CKLF: variants seen among roughly 807,000 people sequenced by gnomAD.
CKLF encodes the protein chemokine-like factor.
In CKLF, 16 loss-of-function variants were observed where a neutral mutation model predicts 12.9. That is an observed-to-expected ratio of 1.24 (90% CI 0.84 to 1.88). CKLF has a LOEUF of 1.88. Ranked by LOEUF, CKLF falls within the 40% of genes most tolerant of loss-of-function variation. The pLI is 0.00. For missense variants in CKLF, 172 were observed against 188.5 expected, an observed-to-expected ratio of 0.91 and a Z score of 0.51; for synonymous variants, 61 against 69.0, an observed-to-expected ratio of 0.88 and a Z score of 0.57.
chr16:66,552,599 A>C lies in CKLF; in HGVS notation c.-117A>C. The C allele has an allele frequency of 6.6e-7, 1 of 1,511,762 alleles. No homozygotes were observed. The highest frequency in any genetic ancestry group is 1.2e-5 in the South Asian group (1 of 85,210). The allele number at this position is 1,511,762 out of a possible 1,614,324, so 93.6% of individuals were successfully genotyped here. Reference sequence around the variant, plus strand: ...AGAGCGGGAAGCCGAGCTGGGCGAGAAGTAGGGGAGGGCGGTGCTCCGCCG... The same window carrying C: ...AGAGCGGGAAGCCGAGCTGGGCGAGCAGTAGGGGAGGGCGGTGCTCCGCCG... On this transcript the variant is annotated 5_prime_UTR_variant, in exon 1 of 4. Transcript: ENST00000264001.
intron 2 of CKLF, among the ~76,000 whole-genome samples, chr16:66,560,856 C>G (rs2011668059): frequency 6.6e-6 from 1 of 151,994 alleles, no homozygotes; most frequent in South Asian, 2.1e-4. Flanking sequence ...CTCTCTCTGC[C>G]CCCTGGTGAC....
At chr16:66,563,034 T>C (rs767761385) in intron 2 of CKLF, 88 bp from the exon 3 acceptor site, 1 of 1,496,588 alleles carries the variant, frequency 6.7e-7, no homozygotes. Flanking sequence ...TTGTTTTTTG[T>C]TGTTGTTGTT....
chr16:66,558,260 G>A lies in CKLF; in HGVS notation c.149G>A (p.Gly50Glu). 6.2e-7 allele frequency: 1 copy of A among 1,613,844 alleles called. No individual in the cohort carries two copies. Among genetic ancestry groups the A allele is most frequent in the African/African-American group, 1.3e-5 (1 of 74,980 alleles). Residue 50 changes from glycine to glutamate, a missense_variant, in exon 2 of 4, where the codon GGA becomes GAA. Physicochemically the swap from Gly to Glu is moderately conservative, Grantham distance 98 (BLOSUM62 -2). Coordinates refer to ENST00000264001, the MANE Select transcript of CKLF (RefSeq NM_016951.4). ...CCTGAACCATATATTGTTATCACTG[G>A]ATTTGAAGTCACCGTTATCTTATTT... ...QAPEPYIVIT[G>E]FEVTVILFFI...
At chr16:66,553,559 A>G (rs1363423408) in intron 1 of CKLF, 1 of 152,264 alleles carries the variant, frequency 6.6e-6, no homozygotes, top group Non-Finnish European at 1.5e-5. Context: ...GAAGGAATCT[A>G]TTCTAGAAAC....
intron 1 of CKLF, among the ~76,000 whole-genome samples, chr16:66,557,271 G>A (rs930188692): frequency 2.0e-5 from 3 of 152,102 alleles, no homozygotes; most frequent in Non-Finnish European, 2.9e-5. Context: ...GGGTTCAAGC[G>A]ATTCTCCTGC....
chr16:66,558,976 G>A (rs7199632), intron 2 of CKLF, among the ~76,000 whole-genome samples: 17,732 of 152,198 alleles, frequency 0.12, 1,234 homozygotes, highest in African/African-American at 0.19. Flanking sequence ...GAAGTTATTC[G>A]TTAAGATGTA....
Position 66,558,300 on chromosome 16 carries a change from T to G in CKLF, c.189T>G (p.Tyr63Ter), listed in dbSNP as rs752670451. The G allele has an allele frequency of 1.9e-6, 3 of 1,613,704 alleles. No individual in the cohort carries two copies. The highest frequency in any genetic ancestry group is 8.5e-7 in the Non-Finnish European group (1 of 1,179,960). The change falls in exon 2 of 4, where the codon TAT (tyrosine) becomes TAG (stop). Residue 63 changes from tyrosine to a stop codon, truncating the protein, a stop_gained. Coordinates refer to ENST00000264001, the MANE Select transcript of CKLF (RefSeq NM_016951.4). LOFTEE classifies it high-confidence loss of function. ...TTATCTTATTTTTCATACTTTTATA[T>G]GTACTCAGACTTGATCGATTAATGA... ...VTVILFFILLYVLRLDRLMKW... is the reference protein window; with the variant it reads ...VTVILFFILL
At position 66,558,479 on chromosome 16, in the gene CKLF, C is replaced by G. The variant is rs1461183804; in HGVS notation, c.237+131C>G. 6 of 1,317,746 alleles carry G rather than the reference C, an allele frequency of 4.6e-6. No individual in the cohort carries two copies. The East Asian group carries it at 1.4e-4, about 31-fold the overall frequency. 81.6% of individuals were successfully genotyped at this position (1,317,746 alleles called of 1,614,324 possible). On this transcript the variant is annotated intron_variant, in intron 2 of 3. Coordinates refer to ENST00000264001, the MANE Select transcript of CKLF (RefSeq NM_016951.4). ...TAGGCTTAGGAAGGAGGAGCTCTAC[C>G]CATTGCTAATGTGCCCTGTATTGCT...
rs749399767 is a variant in CKLF at position 66,552,671 on chromosome 16, T to C, written c.-45T>C. The C allele has an allele frequency of 6.2e-7, 1 of 1,612,586 alleles. No individual in the cohort carries two copies. Among genetic ancestry groups the C allele is most frequent in the Non-Finnish European group, 8.5e-7 (1 of 1,178,784 alleles). Reference sequence around the variant, plus strand: ...CGCAGAACCTACTCAGGCAGCCAGCTGAGAAGAGTTGAGGGAAAGTGCTGC... The same window carrying C: ...CGCAGAACCTACTCAGGCAGCCAGCCGAGAAGAGTTGAGGGAAAGTGCTGC... On this transcript the variant is annotated 5_prime_UTR_variant, in exon 1 of 4. Coordinates refer to ENST00000264001, the MANE Select transcript of CKLF (RefSeq NM_016951.4).
rs757454047 is a variant in CKLF, at chr16:66,558,183, C to T, written c.79-7C>T. On this transcript the variant is annotated splice_polypyrimidine_tract_variant and splice_region_variant and intron_variant, in intron 1 of 3. Transcript: ENST00000264001. ...CACTGAATAAATCGTGGGTTTTTTT[C>T]TTCTAGGCACTAACTGTGACATCTA... 1 of 1,604,128 alleles carries T rather than the reference C, an allele frequency of 6.2e-7. No individual in the cohort carries two copies. Among genetic ancestry groups the T allele is most frequent in the East Asian group, 2.2e-5 (1 of 44,824 alleles).
intron 2 of CKLF, among the ~76,000 whole-genome samples, chr16:66,562,740 C>A (rs13332711): frequency 0.063 from 9,613 of 152,134 alleles, 458 homozygotes; most frequent in East Asian, 0.12. Context: ...CCTTTTGTTG[C>A]AACAGAGTCT....
intron 2 of CKLF, among the ~76,000 whole-genome samples, chr16:66,561,966 G>T (rs1028771598): frequency 1.3e-5 from 2 of 152,256 alleles, no homozygotes; most frequent in Non-Finnish European, 1.5e-5. Context: ...AGTATTAAGC[G>T]AATGAGCTAT....
chr16:66,563,019 T>C (rs2011846785), intron 2 of CKLF, 103 bp from the exon 3 acceptor site: 1 of 1,349,226 alleles, frequency 7.4e-7, no homozygotes, highest in Middle Eastern at 2.1e-4. Context: ...TTCTGCCTGC[T>C]GACTTTGTTT....
At chr16:66,554,345 G>A (rs1471618030) in intron 1 of CKLF, among the ~76,000 whole-genome samples, 1 of 152,232 alleles carries the variant, frequency 6.6e-6, no homozygotes, top group Non-Finnish European at 1.5e-5. Flanking sequence ...TCTTCCTAGA[G>A]CAATCTAGGG....
chr16:66,563,340 C>A, intron 3 of CKLF, 123 bp downstream of exon 3: 1 of 1,132,386 alleles, frequency 8.8e-7, no homozygotes, highest in Non-Finnish European at 1.2e-6. Context: ...GGCCAATATA[C>A]AATGCCTAGT....
chr16:66,562,143 G>C (rs981713136), intron 2 of CKLF, among the ~76,000 whole-genome samples: 1 of 151,446 alleles, frequency 6.6e-6, no homozygotes, highest in East Asian at 1.9e-4. Flanking sequence ...GGAATGCAGT[G>C]GTGCAATCTT....
chr16:66,555,310 A>G lies in CKLF; in HGVS notation c.78+2517A>G, dbSNP rs866969382. On this transcript the variant is annotated intron_variant, in intron 1 of 3. Transcript: ENST00000264001. ...GGGAAGGACAGAAGGGGATTGCTGC[A>G]GGGGCAAAGGTAAAACCAAGGAGAC... is the stretch of plus-strand genomic sequence containing the variant. Among the ~76,000 whole-genome samples, 4 of 152,336 alleles carry G rather than the reference A, an allele frequency of 2.6e-5. No homozygotes were observed. In the South Asian group the frequency reaches 8.3e-4, roughly 32 times the overall value.
At chr16:66,563,776 C>T (rs992586200) in intron 3 of CKLF, among the ~76,000 whole-genome samples, 4 of 152,210 alleles carry the variant, frequency 2.6e-5, no homozygotes, top group African/African-American at 9.6e-5. Flanking sequence ...CATCAGACCT[C>T]ATCCTAGAAA....
intron 3 of CKLF, 168 bp from the exon 4 acceptor site, chr16:66,565,718 G>A (rs1412375056): frequency 3.0e-6 from 2 of 662,588 alleles, no homozygotes; most frequent in Admixed American, 5.0e-5. Flanking sequence ...GCAATGAGGA[G>A]AATAAGATGA....
Sources: allele counts gnomAD v4.1 joint callset (sites outside exome capture counted in the v4.1 genomes callset), GRCh38; gene constraint gnomAD v4.1.1; transcripts MANE v1.5; gene names NCBI Gene and HGNC (gene_info 2026-07-23, HGNC 2026-07-21).